ZBTB40: variants seen among roughly 807,000 people sequenced by gnomAD.
ZBTB40 encodes the protein zinc finger and BTB domain containing 40, also known as zinc finger and BTB domain-containing protein 40.
In ZBTB40, 60 loss-of-function variants were observed where a neutral mutation model predicts 117.5. That is an observed-to-expected ratio of 0.51 (90% CI 0.41 to 0.63). The LOEUF (loss-of-function observed/expected upper bound fraction) is 0.63. Among genes scored for constraint, ZBTB40 ranks in the 30% least tolerant of loss-of-function variants. The pLI is 0.00. For missense variants in ZBTB40, 1,287 were observed against 1,498.5 expected, an observed-to-expected ratio of 0.86 and a Z score of 2.33; for synonymous variants, 525 against 577.1, an observed-to-expected ratio of 0.91 and a Z score of 1.29.
At chr1:22,494,685 T>G (rs1638726833) in intron 3 of ZBTB40, among the ~76,000 whole-genome samples, 1 of 152,248 alleles carries the variant, frequency 6.6e-6, no homozygotes, top group South Asian at 2.1e-4. Context: ...ATACCCATTT[T>G]CCTCATTTGC....
chr1:22,509,004 T>G, intron 8 of ZBTB40, 96 bp from the exon 9 acceptor site: 1 of 1,595,690 alleles, frequency 6.3e-7, no homozygotes, highest in Non-Finnish European at 8.6e-7. Flanking sequence ...ATAGGGGAAA[T>G]GCATTTTCAT....
chr1:22,523,335 G>A (rs912991515), intron 16 of ZBTB40, among the ~76,000 whole-genome samples: 6 of 152,050 alleles, frequency 3.9e-5, no homozygotes, highest in South Asian at 2.1e-4. Context: ...GAATTTCTAC[G>A]TTATTCTAAG....
At chr1:22,454,543 TCTAG>T (rs1485719653) in intron 1 of ZBTB40, among the ~76,000 whole-genome samples, 1 of 152,056 alleles carries the variant, frequency 6.6e-6, no homozygotes, top group Non-Finnish European at 1.5e-5. Context: ...AAGGAACCAG[TCTAG>T]CAAGAAGGGG....
chr1:22,510,253 C>T (rs550589144), intron 9 of ZBTB40, among the ~76,000 whole-genome samples: 120 of 152,242 alleles, frequency 7.9e-4, no homozygotes, highest in South Asian at 2.5e-3. Context: ...TGCAGAAGGG[C>T]GGGTTTCTAA....
intron 12 of ZBTB40, among the ~76,000 whole-genome samples, chr1:22,516,545 C>T (rs1639377474): frequency 6.6e-6 from 1 of 152,168 alleles, no homozygotes; most frequent in Non-Finnish European, 1.5e-5. Flanking sequence ...ATTCAAGGAA[C>T]CCTTTTTTTC....
intron 1 of ZBTB40, among the ~76,000 whole-genome samples, chr1:22,454,199 C>T (rs540770279): frequency 2.2e-4 from 34 of 152,146 alleles, no homozygotes; most frequent in African/African-American, 3.9e-4. Flanking sequence ...GTGATCTGCC[C>T]GCCTCAGCCT....
Position 22,526,229 on chromosome 1 carries a change from C to G in ZBTB40, c.3553C>G (p.Pro1185Ala). ...GATCCAAACCCCAGAGCCGGTGGCCCCGACAGAGCAGGTGATCACTTTGGA... is the reference window on the plus strand; with the variant it reads ...GATCCAAACCCCAGAGCCGGTGGCCGCGACAGAGCAGGTGATCACTTTGGA... ...QVIQTPEPVA[P>A]TEQVITLEET... Residue 1185 changes from proline to alanine, a missense_variant, in exon 18 of 18, where the codon CCG becomes GCG. Physicochemically the swap from Pro to Ala is conservative, Grantham distance 27 (BLOSUM62 -1). This residue lies in a region of ZBTB40 where 417 missense variants were observed against 564.1 expected (regional missense o/e 0.74). Transcript: ENST00000375647. 6.2e-7 allele frequency: 1 copy of G among 1,614,194 alleles called. No individual in the cohort carries two copies. Among genetic ancestry groups the G allele is most frequent in the Non-Finnish European group, 8.5e-7 (1 of 1,180,042 alleles).
intron 1 of ZBTB40, among the ~76,000 whole-genome samples, chr1:22,433,856 C>A (rs900006379): frequency 5.3e-5 from 8 of 151,826 alleles, no homozygotes; most frequent in Non-Finnish European, 5.9e-5. Flanking sequence ...GGATGTATCA[C>A]AATGTATTTA....
At position 22,527,684 on chromosome 1, in the gene ZBTB40, A is replaced by G. The variant is rs1158907630; in HGVS notation, c.*1288A>G. On this transcript the variant is annotated 3_prime_UTR_variant, in exon 18 of 18. Coordinates refer to ENST00000375647, the MANE Select transcript of ZBTB40 (RefSeq NM_014870.4). ...GGAGGGGAGTGCCTGGTTGGATCCCACACTGGCAGAGATGGGGCCACCCCT... is the reference window on the plus strand; with the variant it reads ...GGAGGGGAGTGCCTGGTTGGATCCCGCACTGGCAGAGATGGGGCCACCCCT... 6.6e-6 allele frequency: 1 copy of G among 152,398 alleles called. No homozygotes were observed. The highest frequency in any genetic ancestry group is 2.4e-5 in the African/African-American group (1 of 41,464). The allele number at this position is 152,398 out of a possible 1,614,324, so 9.4% of individuals were successfully genotyped here.
intron 1 of ZBTB40, among the ~76,000 whole-genome samples, chr1:22,476,635 T>G (rs1442567410): frequency 6.6e-6 from 1 of 152,242 alleles, no homozygotes; most frequent in Non-Finnish European, 1.5e-5. Flanking sequence ...GAATTCCCAT[T>G]TGTGTTTTGG....
chr1:22,475,102 A>G (rs1021748170), intron 1 of ZBTB40, among the ~76,000 whole-genome samples: 1 of 152,210 alleles, frequency 6.6e-6, no homozygotes, highest in Non-Finnish European at 1.5e-5. Flanking sequence ...TCTCTTGGAT[A>G]TTGAAATACA....
At chr1:22,508,753 G>A in intron 8 of ZBTB40, 22 bp downstream of exon 8, 1 of 1,611,200 alleles carries the variant, frequency 6.2e-7, no homozygotes, top group South Asian at 1.1e-5. Flanking sequence ...GCCCTCTGGG[G>A]GGGTTTTGCC....
intron 3 of ZBTB40, among the ~76,000 whole-genome samples, chr1:22,494,796 T>TA (rs900789302): frequency 6.6e-6 from 1 of 152,222 alleles, no homozygotes; most frequent in African/African-American, 2.4e-5. Flanking sequence ...TCCCTGTCCT[T>TA]AAAGAGTATC....
chr1:22,468,119 C>T (rs1641303364), intron 1 of ZBTB40, among the ~76,000 whole-genome samples: 1 of 151,112 alleles, frequency 6.6e-6, no homozygotes, highest in Non-Finnish European at 1.5e-5. Context: ...GAAGCTAATA[C>T]TTATTGAGCA....
At chr1:22,477,754 A>G (rs1641586363) in intron 1 of ZBTB40, among the ~76,000 whole-genome samples, 1 of 152,140 alleles carries the variant, frequency 6.6e-6, no homozygotes, top group Non-Finnish European at 1.5e-5. Flanking sequence ...GTCTCTTATT[A>G]AAAGGCTGGC....
chr1:22,512,709 A>G (rs1393770451), intron 11 of ZBTB40, among the ~76,000 whole-genome samples: 1 of 152,222 alleles, frequency 6.6e-6, no homozygotes, highest in African/African-American at 2.4e-5. Flanking sequence ...GGCTCCATCC[A>G]GGAGTAAGGC....
intron 1 of ZBTB40, among the ~76,000 whole-genome samples, chr1:22,445,034 A>G (rs533963106): frequency 2.6e-5 from 4 of 152,242 alleles, no homozygotes; most frequent in Admixed American, 1.3e-4. Context: ...CTTTGGTGCC[A>G]TGTGATTTAG....
rs778981560 is a variant in ZBTB40 at position 22,521,540 on chromosome 1, C to T, written c.3093C>T (p.Asp1031=). The T allele has an allele frequency of 1.2e-5, 19 of 1,614,088 alleles. No homozygotes were observed. Among genetic ancestry groups the T allele is most frequent in the Admixed American group, 3.3e-5 (2 of 60,004 alleles). The stretch of plus-strand genomic sequence containing the variant: ...ACCACAATCGAACCCACCACCCTGA[C>T]GTATTTGCTGCTCAGAACCACCGAT... ...LWYHNRTHHP[D]VFAAQNHRSS... The change falls in exon 15 of 18, where the codon GAC becomes GAT. Residue 1031 remains aspartate, a synonymous_variant. Coordinates refer to ENST00000375647, the MANE Select transcript of ZBTB40 (RefSeq NM_014870.4).
At chr1:22,487,531 G>A (rs1638502955) in intron 1 of ZBTB40, among the ~76,000 whole-genome samples, 1 of 152,004 alleles carries the variant, frequency 6.6e-6, no homozygotes, top group African/African-American at 2.4e-5. Flanking sequence ...CATTCACCAA[G>A]CCAGGAACCT....
Sources: gnomAD v4.1 joint callset for allele counts (sites outside exome capture counted in the v4.1 genomes callset) on GRCh38, gnomAD v4.1.1 for gene constraint, gnomAD v4.1.1 regional missense constraint, MANE v1.5 for transcripts, NCBI Gene and HGNC (gene_info 2026-07-23, HGNC 2026-07-21) for gene names.